Variants in MDH2 observed in about 807,000 individuals in gnomAD.
The protein encoded by MDH2 is malate dehydrogenase, mitochondrial.
MDH2 carries 25 observed loss-of-function variants against 33.6 expected under a neutral mutation model. The ratio of observed to expected loss-of-function variants is 0.74; its 90% CI spans 0.54 to 1.04. MDH2 has a LOEUF of 1.04. Among genes scored for constraint, MDH2 ranks in the 50% least tolerant of loss-of-function variants. The pLI is 0.00. For synonymous variants in MDH2, 193 were observed against 188.7 expected (o/e 1.02, Z -0.19); for missense variants, 432 against 445.0 (o/e 0.97, Z 0.26).
In MDH2 at chr7:76,048,803, G is replaced by A. The variant is rs781998344; in HGVS notation, c.66+577G>A. On this transcript the variant is annotated intron_variant, in intron 1 of 8. Coordinates refer to ENST00000315758, the MANE Select transcript of MDH2 (RefSeq NM_005918.4). ...ATCTCTCCTGCTGTGGGCGGACTGA[G>A]CCTGCCGCCAGGTGTCTTAACAGTG... is the stretch of plus-strand genomic sequence containing the variant. 1.2e-4 allele frequency: 150 copies of A among 1,221,394 alleles called. 1 individual carries two copies. Among genetic ancestry groups the A allele is most frequent in the South Asian group, 4.2e-4 (10 of 23,536 alleles). 75.7% of individuals were successfully genotyped at this position (1,221,394 alleles called of 1,614,324 possible). A position where few individuals can be genotyped will look rare whatever the true frequency, so the allele number is the denominator to read the frequency against.
chr7:76,048,302 C>T (rs1171747695), intron 1 of MDH2, 76 bp downstream of exon 1: 7 of 1,490,260 alleles, frequency 4.7e-6, no homozygotes, highest in Admixed American at 2.1e-5. Flanking sequence ...TCGCGGGCAG[C>T]TCTGACCCTC....
intron 1 of MDH2, among the ~76,000 whole-genome samples, chr7:76,051,298 C>T (rs1490762569): frequency 6.6e-6 from 1 of 150,584 alleles, no homozygotes; most frequent in Non-Finnish European, 1.5e-5. Context: ...GCCCATGGTG[C>T]AGTGGTCTCC....
chr7:76,061,310 C>T (rs111561483), intron 5 of MDH2, among the ~76,000 whole-genome samples: 1 of 152,308 alleles, frequency 6.6e-6, no homozygotes, highest in African/African-American at 2.4e-5. Context: ...TCCCGAGTGA[C>T]AGGCACATCT....
intron 1 of MDH2, among the ~76,000 whole-genome samples, chr7:76,050,732 G>A (rs945979762): frequency 1.3e-5 from 2 of 152,156 alleles, no homozygotes; most frequent in African/African-American, 2.4e-5. Context: ...ATTGAATTCT[G>A]GGTATTCATT....
chr7:76,057,756 G>A (rs1437615655), intron 3 of MDH2, among the ~76,000 whole-genome samples: 2 of 152,090 alleles, frequency 1.3e-5, no homozygotes, highest in African/African-American at 2.4e-5. Context: ...AAACCTCGAC[G>A]GTCCTTCTCA....
chr7:76,062,999 G>A (rs2116694772), intron 5 of MDH2, among the ~76,000 whole-genome samples: 1 of 152,366 alleles, frequency 6.6e-6, no homozygotes, highest in South Asian at 2.1e-4. Flanking sequence ...GGAGCCATAG[G>A]AGTCAGTTTG....
Position 76,063,498 on chromosome 7 carries a change from C to G in MDH2, c.556-17C>G. The G allele has an allele frequency of 6.2e-7, 1 of 1,613,826 alleles. No homozygotes were observed. Among genetic ancestry groups the G allele is most frequent in the Non-Finnish European group, 8.5e-7 (1 of 1,179,664 alleles). ...AAGAGCTTGTTAACTCATCCAGCTTCATACTTTGGTCACCAGGGTTTGGAT... is the reference window on the plus strand; with the variant it reads ...AAGAGCTTGTTAACTCATCCAGCTTGATACTTTGGTCACCAGGGTTTGGAT... On this transcript the variant is annotated splice_polypyrimidine_tract_variant and intron_variant, in intron 5 of 8. Coordinates refer to ENST00000315758, the MANE Select transcript of MDH2 (RefSeq NM_005918.4).
In MDH2 at chr7:76,066,650, G is replaced by C; in HGVS notation, c.*240G>C. 1 of 402,644 alleles carries C rather than the reference G, an allele frequency of 2.5e-6. No individual in the cohort carries two copies. Among genetic ancestry groups the C allele is most frequent in the Non-Finnish European group, 4.4e-6 (1 of 225,094 alleles). 24.9% of individuals were successfully genotyped at this position (402,644 alleles called of 1,614,324 possible). The stretch of plus-strand genomic sequence containing the variant: ...CTTCCCTGTGAGAGCCAACTTTAGA[G>C]TGTCTGCTACCTCTTCATTACCAAT... On this transcript the variant is annotated 3_prime_UTR_variant, in exon 9 of 9. Transcript: ENST00000315758.
chr7:76,066,269 T>C lies in MDH2; in HGVS notation c.886-10T>C. 2 of 1,604,302 alleles carry C rather than the reference T, an allele frequency of 1.2e-6. No homozygotes were observed. Among genetic ancestry groups the C allele is most frequent in the Non-Finnish European group, 1.7e-6 (2 of 1,175,612 alleles). ...GAAACTTCATTTTAACATGTTCCCA[T>C]CTCCCTCAGAAAAAGGGCATCGAGA... On this transcript the variant is annotated splice_polypyrimidine_tract_variant and intron_variant, in intron 8 of 8. Transcript: ENST00000315758.
At position 76,057,392 on chromosome 7, in the gene MDH2, G is replaced by C; in HGVS notation, c.236-18G>C. 6.2e-7 allele frequency: 1 copy of C among 1,613,944 alleles called. No individual in the cohort carries two copies. Among genetic ancestry groups the C allele is most frequent in the African/African-American group, 1.3e-5 (1 of 75,036 alleles). ...AATCAGAAACGGTGACATTTCTCTT[G>C]TGGGGTGTTTGTTCTAGGCTACCTC... On this transcript the variant is annotated intron_variant, in intron 2 of 8. Transcript: ENST00000315758.
chr7:76,056,271 TGTTG>T (rs1278497731), intron 2 of MDH2, among the ~76,000 whole-genome samples: 7 of 152,242 alleles, frequency 4.6e-5, no homozygotes, highest in South Asian at 2.1e-4. Flanking sequence ...CTTTACATCT[TGTTG>T]AAGTCTTAGA....
Position 76,063,431 on chromosome 7 carries a change from C to A in MDH2, c.556-84C>A, listed in dbSNP as rs527713930. ...CACCCTGAGTTCTGGGGGGCTTTTC[C>A]AGTGTTGGGGCTGTGGGCAGCTGTG... On this transcript the variant is annotated intron_variant, in intron 5 of 8. Coordinates refer to ENST00000315758, the MANE Select transcript of MDH2 (RefSeq NM_005918.4). 4.4e-3 allele frequency: 6,016 copies of A among 1,359,950 alleles called. 32 individuals are homozygous for A. Among genetic ancestry groups the A allele is most frequent in the Non-Finnish European group, 5.7e-3 (5,462 of 953,654 alleles). The allele number at this position is 1,359,950 out of a possible 1,614,324, so 84.2% of individuals were successfully genotyped here.
intron 1 of MDH2, 170 bp from the exon 2 acceptor site, chr7:76,054,660 G>T: frequency 1.3e-6 from 1 of 778,554 alleles, no homozygotes; most frequent in Non-Finnish European, 2.1e-6. Context: ...GTGGACCTTT[G>T]GAATGAAGGT....
At chr7:76,058,933 C>A (rs1000078138) in intron 4 of MDH2, among the ~76,000 whole-genome samples, 12 of 152,194 alleles carry the variant, frequency 7.9e-5, no homozygotes, top group African/African-American at 2.9e-4. Context: ...GTTCATCCTG[C>A]TACTCAGGAT....
intron 5 of MDH2, among the ~76,000 whole-genome samples, chr7:76,060,705 T>C (rs1797923261): frequency 6.6e-6 from 1 of 152,022 alleles, no homozygotes. Context: ...GCATCTACTC[T>C]GGCCAGTGTC....
Position 76,067,504 on chromosome 7 carries a change from G to A in MDH2, c.*1094G>A, listed in dbSNP as rs1443566848. 2 of 152,212 alleles carry A rather than the reference G, an allele frequency of 1.3e-5. No individual in the cohort carries two copies. Among genetic ancestry groups the A allele is most frequent in the African/African-American group, 4.8e-5 (2 of 41,440 alleles). The allele number at this position is 152,212 out of a possible 1,614,324, so 9.4% of individuals were successfully genotyped here. ...AAAATAAAGCGGGAAAGGAACTACTGGTAATACTTGTCCTCTCTTGCATAT... is the reference window on the plus strand; with the variant it reads ...AAAATAAAGCGGGAAAGGAACTACTAGTAATACTTGTCCTCTCTTGCATAT... On this transcript the variant is annotated 3_prime_UTR_variant, in exon 9 of 9. Transcript: ENST00000315758.
rs1446009960 is a variant in MDH2 at position 76,058,046 on chromosome 7, C to G, written c.397C>G (p.Pro133Ala). The G allele has an allele frequency of 2.5e-6, 4 of 1,613,652 alleles. No individual in the cohort carries two copies. Among genetic ancestry groups the G allele is most frequent in the Non-Finnish European group, 3.4e-6 (4 of 1,180,052 alleles). Residue 133 changes from proline (P) to alanine (A), a missense_variant, in exon 4 of 9, where the codon CCG becomes GCG. Pro to Ala is a conservative substitution (Grantham distance 27). Coordinates refer to ENST00000315758, the MANE Select transcript of MDH2 (RefSeq NM_005918.4). ...TLTAACAQHC[P>A]EAMICVIANP... is the part of the protein sequence containing the mutation. ...GACCGCTGCCTGTGCCCAGCACTGC[C>G]CGGAAGCCATGATCTGCGTCATTGC... is the stretch of plus-strand genomic sequence containing the variant.
Position 76,066,534 on chromosome 7 carries a change from C to A in MDH2, c.*124C>A. ...TGATTACTGTATTGACATCATCATG[C>A]CTTCCAAATTGTGGGTGGCTCTGTG... On this transcript the variant is annotated 3_prime_UTR_variant, in exon 9 of 9. Transcript: ENST00000315758. 2 of 1,222,732 alleles carry A rather than the reference C, an allele frequency of 1.6e-6. No homozygotes were observed. Among genetic ancestry groups the A allele is most frequent in the Non-Finnish European group, 2.1e-6 (2 of 931,468 alleles). 75.7% of individuals were successfully genotyped at this position (1,222,732 alleles called of 1,614,324 possible).
At position 76,064,783 on chromosome 7, in the gene MDH2, CCTGT is replaced by C. The variant is rs1554587572; in HGVS notation, c.734-14_734-11del. The C allele has an allele frequency of 1.9e-6, 3 of 1,609,546 alleles. No individual in the cohort carries two copies. Among genetic ancestry groups the C allele is most frequent in the Non-Finnish European group, 2.5e-6 (3 of 1,178,082 alleles). On this transcript the variant is annotated splice_polypyrimidine_tract_variant and intron_variant, in intron 7 of 8. Transcript: ENST00000315758. ...ACGTTTGTGGCACCAGCCAGGCTGA[CCTGT>C]CTGTGCCCCCCTAGGCTCTGCCACC...
Sources: gnomAD v4.1 joint callset for allele counts (sites outside exome capture counted in the v4.1 genomes callset) on GRCh38, gnomAD v4.1.1 for gene constraint, MANE v1.5 for transcripts, NCBI Gene and HGNC (gene_info 2026-07-23, HGNC 2026-07-21) for gene names.